The following AGAP1 variants were observed in gnomAD, a reference collection of about 807,000 sequenced individuals.
AGAP1 encodes arf-GAP with GTPase, ANK repeat and PH domain-containing protein 1.
A neutral mutation model predicts 105.3 loss-of-function variants in AGAP1; 29 were observed. The observed-to-expected ratio is 0.28, with a 90% CI of 0.21 to 0.38. The LOEUF (loss-of-function observed/expected upper bound fraction) is 0.38. Among genes scored for constraint, AGAP1 ranks in the 10% least tolerant of loss-of-function variants. The pLI is 1.00. For missense variants in AGAP1, 998 were observed against 1,165.1 expected, an observed-to-expected ratio of 0.86 and a Z score of 2.09; for synonymous variants, 509 against 485.9, an observed-to-expected ratio of 1.05 and a Z score of -0.63.
At position 235,713,111 on chromosome 2, in the gene AGAP1, G is replaced by A. The variant is rs557599701; in HGVS notation, c.222+3874G>A. Among the ~76,000 whole-genome samples the A allele has an allele frequency of 8.5e-4, 130 of 152,314 alleles. 1 individual carries two copies. Among genetic ancestry groups the A allele is most frequent in the African/African-American group, 3.0e-3 (125 of 41,562 alleles). ...CATCTTGTTAGGTGGAAGAAGGCAG[G>A]AACGTTGCTATGCAGAGAAGGCACA... On this transcript the variant is annotated intron_variant, in intron 2 of 17. Coordinates refer to ENST00000304032, the MANE Select transcript of AGAP1 (RefSeq NM_001037131.3).
At position 235,874,802 on chromosome 2, in the gene AGAP1, A is replaced by C. The variant is rs1559593304; in HGVS notation, c.1051-8543A>C. 6.6e-6 allele frequency among the ~76,000 whole-genome samples: 1 copy of C among 152,086 alleles called. No individual in the cohort carries two copies. Among genetic ancestry groups the C allele is most frequent in the Non-Finnish European group, 1.5e-5 (1 of 68,024 alleles). ...TTACTCCTAGAACCAAGATACCATGAGTGTGTGTGTGCATGTGTGTGTGCG... is the reference window on the plus strand; with the variant it reads ...TTACTCCTAGAACCAAGATACCATGCGTGTGTGTGTGCATGTGTGTGTGCG... On this transcript the variant is annotated intron_variant, in intron 9 of 17. Transcript: ENST00000304032. The surrounding 1 kb of genome is among the most constrained non-coding windows in gnomAD (Gnocchi z 4.5).
chr2:236,011,070 C>T (rs533763966), intron 13 of AGAP1, among the ~76,000 whole-genome samples: 44 of 152,256 alleles, frequency 2.9e-4, no homozygotes, highest in African/African-American at 1.0e-3. Context: ...AAAGAAAATA[C>T]ATTCCAGCCA....
Position 235,732,690 on chromosome 2 carries a change from T to TC in AGAP1, c.311-8270dup, listed in dbSNP as rs1362370874. On this transcript the variant is annotated intron_variant, in intron 3 of 17. Transcript: ENST00000304032. The surrounding 1 kb of genome is among the most constrained non-coding windows in gnomAD (Gnocchi z 4.8). ...CAGCCTTCTTGGCTTGGACCTCTCT[T>TC]CCCAGACATTGTCTTTCCCTGAGAC... is the stretch of plus-strand genomic sequence containing the variant. 2.6e-5 allele frequency among the ~76,000 whole-genome samples: 4 copies of TC among 152,088 alleles called. No homozygotes were observed. Among genetic ancestry groups the TC allele is most frequent in the Non-Finnish European group, 4.4e-5 (3 of 68,018 alleles).
Position 235,882,175 on chromosome 2 carries a change from G to A in AGAP1, c.1051-1170G>A, listed in dbSNP as rs2050057723. Among the ~76,000 whole-genome samples, 1 of 151,960 alleles carries A rather than the reference G, an allele frequency of 6.6e-6. No individual in the cohort carries two copies. Among genetic ancestry groups the A allele is most frequent in the African/African-American group, 2.4e-5 (1 of 41,360 alleles). On this transcript the variant is annotated intron_variant, in intron 9 of 17. Coordinates refer to ENST00000304032, the MANE Select transcript of AGAP1 (RefSeq NM_001037131.3). This position sits in a 1 kb window ranked among gnomAD's most constrained non-coding sequence, Gnocchi z 4.6. ...GAAATAATTTTCTATAATGTCCTGG[G>A]GCAAACCAGAGAATTTGGCAATCTG... is the stretch of plus-strand genomic sequence containing the variant.
rs2057451677 is a variant in AGAP1, at chr2:236,038,580, G to A, written c.1800+1865G>A. On this transcript the variant is annotated intron_variant, in intron 14 of 17. Coordinates refer to ENST00000304032, the MANE Select transcript of AGAP1 (RefSeq NM_001037131.3). The surrounding 1 kb of genome is among the most constrained non-coding windows in gnomAD (Gnocchi z 4.5). Reference sequence around the variant, plus strand: ...AGCAACCAAAGGTGGCCGACTCAGAGCTGGTCATCGTGGGCATTGGTTGAA... The same window carrying A: ...AGCAACCAAAGGTGGCCGACTCAGAACTGGTCATCGTGGGCATTGGTTGAA... Among the ~76,000 whole-genome samples, 1 of 152,208 alleles carries A rather than the reference G, an allele frequency of 6.6e-6. No individual in the cohort carries two copies. The highest frequency in any genetic ancestry group is 1.5e-5 in the Non-Finnish European group (1 of 68,046).
chr2:235,654,041 G>C (rs1032330010), intron 1 of AGAP1, among the ~76,000 whole-genome samples: 3 of 152,216 alleles, frequency 2.0e-5, no homozygotes, highest in African/African-American at 7.2e-5. Context: ...GGGTGACAGA[G>C]TGAGAGTCCG....
intron 6 of AGAP1, among the ~76,000 whole-genome samples, chr2:235,794,561 TC>T (rs1346348527): frequency 6.6e-6 from 1 of 152,182 alleles, no homozygotes; most frequent in Non-Finnish European, 1.5e-5. Context: ...GACCTCTGCC[TC>T]CCCGGTTCAA....
chr2:236,055,359 T>C lies in AGAP1; in HGVS notation c.2114+6078T>C. Reference sequence around the variant, plus strand: ...ATGTGCCTTGTTTTCATGTGTTTCTTTCAGTGCTCTCAGGGAGAATTCTGT... The same window carrying C: ...ATGTGCCTTGTTTTCATGTGTTTCTCTCAGTGCTCTCAGGGAGAATTCTGT... On this transcript the variant is annotated intron_variant, in intron 16 of 17. Coordinates refer to ENST00000304032, the MANE Select transcript of AGAP1 (RefSeq NM_001037131.3). This position sits in a 1 kb window ranked among gnomAD's most constrained non-coding sequence, Gnocchi z 6.2. Among the ~76,000 whole-genome samples, 1 of 152,358 alleles carries C rather than the reference T, an allele frequency of 6.6e-6. No homozygotes were observed. Among genetic ancestry groups the C allele is most frequent in the African/African-American group, 2.4e-5 (1 of 41,576 alleles).
In AGAP1 at chr2:235,889,226, C is replaced by T. The variant is rs2050409559; in HGVS notation, c.1155+5777C>T. 6.6e-6 allele frequency among the ~76,000 whole-genome samples: 1 copy of T among 152,188 alleles called. No homozygotes were observed. The highest frequency in any genetic ancestry group is 2.4e-5 in the African/African-American group (1 of 41,446). On this transcript the variant is annotated intron_variant, in intron 10 of 17. Transcript: ENST00000304032. The surrounding 1 kb of genome is among the most constrained non-coding windows in gnomAD (Gnocchi z 4.6). ...GTGCACCGAGCTCGTGGAATCCCAGCAGGATGACCTGCTCTTTGAAACTGT... is the reference window on the plus strand; with the variant it reads ...GTGCACCGAGCTCGTGGAATCCCAGTAGGATGACCTGCTCTTTGAAACTGT...
intron 6 of AGAP1, among the ~76,000 whole-genome samples, chr2:235,773,428 CTGAT>C (rs1276025365): frequency 5.9e-5 from 9 of 152,192 alleles, no homozygotes; most frequent in Admixed American, 2.6e-4. Context: ...ATGCAAATGT[CTGAT>C]TGATTGGTTG....
At chr2:235,852,722 A>G (rs2048525095) in intron 9 of AGAP1, 1 of 1,533,706 alleles carries the variant, frequency 6.5e-7, no homozygotes, top group African/African-American at 1.4e-5. Flanking sequence ...GACAGCCAGC[A>G]CTTATCTCAG....
chr2:235,696,735 A>G (rs540178043), intron 1 of AGAP1, among the ~76,000 whole-genome samples: 32 of 152,136 alleles, frequency 2.1e-4, no homozygotes, highest in African/African-American at 7.2e-4. Context: ...GTGGGGGAAA[A>G]ATTATCCATG....
At chr2:235,709,300 C>T in intron 2 of AGAP1, 63 bp downstream of exon 2, 1 of 1,563,380 alleles carries the variant, frequency 6.4e-7, no homozygotes, top group Non-Finnish European at 8.8e-7. Flanking sequence ...ACACCCAAGC[C>T]TGCATTCCCA....
rs1553553732 is a variant in AGAP1 at position 236,040,705 on chromosome 2, T to C, written c.1801-46T>C. ...TGATGTTATCAGTGATGTGCGTTTC[T>C]CCCGGGGTGCTTACGCCTTGTATTT... On this transcript the variant is annotated intron_variant, in intron 14 of 17. Coordinates refer to ENST00000304032, the MANE Select transcript of AGAP1 (RefSeq NM_001037131.3). This position sits in a 1 kb window ranked among gnomAD's most constrained non-coding sequence, Gnocchi z 5.6. 1 of 1,593,420 alleles carries C rather than the reference T, an allele frequency of 6.3e-7. No individual in the cohort carries two copies. The highest frequency in any genetic ancestry group is 1.1e-5 in the South Asian group (1 of 90,398).
rs2054036727 is a variant in AGAP1, at chr2:235,958,351, G to C, written c.1484-10111G>C. On this transcript the variant is annotated intron_variant, in intron 12 of 17. Coordinates refer to ENST00000304032, the MANE Select transcript of AGAP1 (RefSeq NM_001037131.3). The surrounding 1 kb of genome is among the most constrained non-coding windows in gnomAD (Gnocchi z 4.1). ...GATTAGGGCCCTGCTAACGGCAGCA[G>C]TAACAGCGGGAGTCCTTGCAGCAGG... is the stretch of plus-strand genomic sequence containing the variant. Among the ~76,000 whole-genome samples the C allele has an allele frequency of 6.6e-6, 1 of 152,122 alleles. No homozygotes were observed. Among genetic ancestry groups the C allele is most frequent in the Non-Finnish European group, 1.5e-5 (1 of 68,034 alleles).
chr2:235,592,136 C>T (rs1945364664), intron 1 of AGAP1, among the ~76,000 whole-genome samples: 1 of 152,216 alleles, frequency 6.6e-6, no homozygotes, highest in Non-Finnish European at 1.5e-5. Flanking sequence ...TGGACAGCGC[C>T]CTGTGGCCAG....
chr2:235,750,423 A>C lies in AGAP1; in HGVS notation c.608A>C (p.Lys203Thr), dbSNP rs1953333619. 1 of 1,614,188 alleles carries C rather than the reference A, an allele frequency of 6.2e-7. No homozygotes were observed. Among genetic ancestry groups the C allele is most frequent in the Non-Finnish European group, 8.5e-7 (1 of 1,180,026 alleles). ...ARARKLSNDL[K>T]RCTYYETCAT... ...GCGAGGAAGCTCTCCAACGACCTGA[A>C]ACGGTGCACGTACTACGAGACGTGT... is the stretch of plus-strand genomic sequence containing the variant. The change falls in exon 6 of 18, where the codon AAA becomes ACA. Residue 203 changes from lysine to threonine, a missense_variant. By Grantham distance (78) the Lys-to-Thr change is moderately conservative. Around this residue, in one of 3 missense-constraint regions of AGAP1, gnomAD observed 735 missense variants for 833.4 expected, o/e 0.88. Transcript: ENST00000304032. This position sits in a 1 kb window ranked among gnomAD's most constrained non-coding sequence, Gnocchi z 5.3.
chr2:235,925,209 G>A (rs2052387171), intron 11 of AGAP1, among the ~76,000 whole-genome samples: 1 of 152,132 alleles, frequency 6.6e-6, no homozygotes, highest in East Asian at 1.9e-4. Flanking sequence ...CCACTTGTTA[G>A]ACTCACCTCG....
rs1957878864 is a variant in AGAP1, at chr2:235,807,152, A to G, written c.958-87A>G. ...GATCGCGCATGTTTTCTAAATGTGT[A>G]TTGGCAGGAATTCTGCAAACAGGGG... is the stretch of plus-strand genomic sequence containing the variant. On this transcript the variant is annotated intron_variant, in intron 8 of 17. Transcript: ENST00000304032. 5.2e-6 allele frequency: 7 copies of G among 1,340,362 alleles called. No individual in the cohort carries two copies. The East Asian group carries it at 9.4e-5, about 18-fold the overall frequency. The allele number at this position is 1,340,362 out of a possible 1,614,324, so 83.0% of individuals were successfully genotyped here.
Sources: gnomAD v4.1 joint callset for allele counts (sites outside exome capture counted in the v4.1 genomes callset) on GRCh38, gnomAD v4.1.1 for gene constraint, gnomAD v4.1.1 regional missense constraint, Gnocchi (gnomAD v3.1) non-coding constraint, MANE v1.5 for transcripts, NCBI Gene and HGNC (gene_info 2026-07-23, HGNC 2026-07-21) for gene names.